The following CES5A variants were observed in gnomAD, a reference collection of about 807,000 sequenced individuals.
CES5A encodes the protein carboxylesterase 5A.
A neutral mutation model predicts 62.9 loss-of-function variants in CES5A; 67 were observed. The observed-to-expected ratio is 1.07, with a 90% CI of 0.88 to 1.31. The LOEUF is 1.31. Among genes scored for constraint, CES5A ranks in the 50% most tolerant of loss-of-function variants. The pLI, the probability that CES5A is intolerant of heterozygous loss-of-function variation, is 0.00. For synonymous variants in CES5A, 296 were observed against 280.8 expected (o/e 1.05, Z -0.54); for missense variants, 748 against 708.5 (o/e 1.06, Z -0.63).
At chr16:55,847,114 C>T (rs2033030466) in intron 11 of CES5A, among the ~76,000 whole-genome samples, 1 of 152,104 alleles carries the variant, frequency 6.6e-6, no homozygotes, top group South Asian at 2.1e-4. Context: ...CTGCAGGTTC[C>T]CTGGGGACAC....
rs370810176 is a variant in CES5A, at chr16:55,949,479, G to A, written c.160+306C>T. ...CCTTCATTCCTAGAAGCTGATCTAG[G>A]TGGCACATCACAATGCCCACCACAT... On this transcript the variant is annotated intron_variant, in intron 2 of 13. Transcript: ENST00000521992. Among the ~76,000 whole-genome samples, 87 of 152,312 alleles carry A rather than the reference G, an allele frequency of 5.7e-4. No individual in the cohort carries two copies. In the Middle Eastern group the frequency reaches 0.017, roughly 30 times the overall value.
chr16:55,876,318 G>C (rs1351159186), upstream of CES5A, among the ~76,000 whole-genome samples: 1 of 152,084 alleles, frequency 6.6e-6, no homozygotes, highest in Non-Finnish European at 1.5e-5. Flanking sequence ...TATCTACCTA[G>C]TGCAATAAGA....
chr16:55,935,839 C>T (rs961839936), intron 2 of CES5A, among the ~76,000 whole-genome samples: 1 of 151,738 alleles, frequency 6.6e-6, no homozygotes, highest in East Asian at 1.9e-4. Flanking sequence ...CCTAGTCCTT[C>T]TGGCAATGTA....
chr16:55,917,533 A>G (rs2034159463), intron 1 of CES5A, among the ~76,000 whole-genome samples: 1 of 152,232 alleles, frequency 6.6e-6, no homozygotes, highest in Admixed American at 6.5e-5. Flanking sequence ...CAGGGGTCTC[A>G]GTTCCTCACT....
At chr16:55,925,575 C>T (rs570153246), upstream of CES5A, 1 of 152,202 alleles carries the variant, frequency 6.6e-6, no homozygotes, top group Admixed American at 6.5e-5. Flanking sequence ...ATATTTATTG[C>T]AGCACTACTC....
upstream of CES5A, among the ~76,000 whole-genome samples, chr16:55,930,457 A>T (rs1352558733): frequency 1.3e-5 from 2 of 152,172 alleles, no homozygotes; most frequent in Non-Finnish European, 2.9e-5. Context: ...TCACTACTAC[A>T]AGGAGTTATC....
At position 55,865,945 on chromosome 16, in the gene CES5A, A is replaced by C. The variant is rs776383258; in HGVS notation, c.705+18T>G. On this transcript the variant is annotated intron_variant, in intron 5 of 12. Coordinates refer to ENST00000290567, the MANE Select transcript of CES5A (RefSeq NM_001143685.2). Reference sequence around the variant, plus strand: ...TCCGGCACTGAGATTCATTCAAACCACAAAGCAGAGAACTCACAAGACTAG... The same window carrying C: ...TCCGGCACTGAGATTCATTCAAACCCCAAAGCAGAGAACTCACAAGACTAG... 6.2e-7 allele frequency: 1 copy of C among 1,614,092 alleles called. No homozygotes were observed. Among genetic ancestry groups the C allele is most frequent in the South Asian group, 1.1e-5 (1 of 91,068 alleles).
At chr16:55,870,595 G>A (rs549212365) in intron 3 of CES5A, among the ~76,000 whole-genome samples, 6 of 152,168 alleles carry the variant, frequency 3.9e-5, no homozygotes, top group African/African-American at 1.2e-4. Context: ...CTACTTGGGA[G>A]GCTGAGGCAC....
In CES5A at chr16:55,853,017, A is replaced by G. The variant is rs1376931865; in HGVS notation, c.1137T>C (p.Pro379=). The G allele has an allele frequency of 1.9e-6, 3 of 1,614,132 alleles. No homozygotes were observed. Among genetic ancestry groups the G allele is most frequent in the Non-Finnish European group, 2.5e-6 (3 of 1,180,000 alleles). The change falls in exon 10 of 13, where the codon CCT becomes CCC. Residue 379 remains proline, a synonymous_variant. Transcript: ENST00000290567. Reference sequence around the variant, plus strand: ...CATTAGCCACAAGGTGCAAATACTGAGGCGGGATGTGCTGTAAAAATATCG... The same window carrying G: ...CATTAGCCACAAGGTGCAAATACTGGGGCGGGATGTGCTGTAAAAATATCG... ...HLIQNILHIP[P]QYLHLVANEY...
chr16:55,862,882 G>A (rs1324382315), intron 6 of CES5A, among the ~76,000 whole-genome samples: 2 of 152,166 alleles, frequency 1.3e-5, no homozygotes, highest in Admixed American at 6.5e-5. Context: ...ATTAAGACAA[G>A]AGACAGATGA....
At chr16:55,851,726 A>C (rs1275842435) in intron 10 of CES5A, among the ~76,000 whole-genome samples, 3 of 142,254 alleles carry the variant, frequency 2.1e-5, no homozygotes, top group Non-Finnish European at 4.4e-5. Flanking sequence ...TATAGCCAAT[A>C]GGCAAATGTA....
intron 1 of CES5A, among the ~76,000 whole-genome samples, chr16:55,874,599 T>A (rs1171990128): frequency 6.6e-6 from 1 of 152,326 alleles, no homozygotes; most frequent in South Asian, 2.1e-4. Context: ...TGCTTTTGAA[T>A]ACACATGAAT....
intron 1 of CES5A, among the ~76,000 whole-genome samples, chr16:55,898,008 T>A (rs12597156): frequency 2.0e-5 from 3 of 152,110 alleles, no homozygotes; most frequent in African/African-American, 7.2e-5. Flanking sequence ...GAATGTAAAG[T>A]TGAAAAACAG....
intron 1 of CES5A, among the ~76,000 whole-genome samples, chr16:55,906,034 CCA>C (rs1310318635): frequency 6.6e-6 from 1 of 152,098 alleles, no homozygotes; most frequent in Non-Finnish European, 1.5e-5. Flanking sequence ...TTGTGCAAAT[CCA>C]CAGAGAGAGA....
intron 1 of CES5A, among the ~76,000 whole-genome samples, chr16:55,882,715 T>C (rs1223264466): frequency 6.6e-6 from 1 of 152,204 alleles, no homozygotes; most frequent in East Asian, 1.9e-4. Flanking sequence ...TGCAAGACAG[T>C]TAGATTTTTC....
intron 1 of CES5A, 128 bp downstream of exon 1, chr16:55,875,021 C>A: frequency 1.1e-6 from 1 of 938,350 alleles, no homozygotes; most frequent in Non-Finnish European, 1.7e-6. Context: ...AATACTGATG[C>A]CATCAAAGTA....
At chr16:55,850,260 T>C (rs1337132426) in intron 10 of CES5A, among the ~76,000 whole-genome samples, 1 of 152,230 alleles carries the variant, frequency 6.6e-6, no homozygotes, top group Non-Finnish European at 1.5e-5. Context: ...CATTTTAAAG[T>C]ATATAATTCA....
chr16:55,894,724 G>A (rs1399645495), intron 1 of CES5A, among the ~76,000 whole-genome samples: 12 of 151,998 alleles, frequency 7.9e-5, no homozygotes, highest in African/African-American at 1.7e-4. Context: ...AAAAGTTGCC[G>A]AACCTCAACA....
At chr16:55,901,149 A>G (rs950780343) in intron 1 of CES5A, among the ~76,000 whole-genome samples, 4 of 152,136 alleles carry the variant, frequency 2.6e-5, no homozygotes, top group Non-Finnish European at 5.9e-5. Context: ...TTCTCATGAT[A>G]GTGACTAAGT....
Sources: gnomAD v4.1 joint callset for allele counts (sites outside exome capture counted in the v4.1 genomes callset) on GRCh38, gnomAD v4.1.1 for gene constraint, MANE v1.5 for transcripts, NCBI Gene and HGNC (gene_info 2026-07-23, HGNC 2026-07-21) for gene names.